Variants in RSPRY1 observed in about 807,000 individuals in gnomAD.
RSPRY1 encodes the protein ring finger and SPRY domain containing 1.
In RSPRY1, 23 loss-of-function variants were observed where a neutral mutation model predicts 73.1. That is an observed-to-expected ratio of 0.31 (90% CI 0.23 to 0.45). The LOEUF (loss-of-function observed/expected upper bound fraction) is 0.45, where lower values mean the gene tolerates loss of function less well. Ranked by LOEUF, RSPRY1 falls within the 20% of genes least tolerant of loss-of-function variation. The pLI, the probability that RSPRY1 is intolerant of heterozygous loss-of-function variation, is 1.00. For missense variants in RSPRY1, 448 were observed against 698.7 expected (o/e 0.64, Z 4.05); for synonymous variants, 226 against 251.4 (o/e 0.90, Z 0.95).
At chr16:57,198,394 A>AAT (rs1244869648) in intron 1 of RSPRY1, among the ~76,000 whole-genome samples, 1 of 152,018 alleles carries the variant, frequency 6.6e-6, no homozygotes, top group African/African-American at 2.4e-5. Flanking sequence ...AAAAAAAAAA[A>AAT]ATTGTACTAA....
Position 57,204,624 on chromosome 16 carries a change from T to C in RSPRY1, c.-35T>C. On this transcript the variant is annotated 5_prime_UTR_variant, in exon 2 of 15. It removes an upstream start codon present in the reference 5' UTR. Coordinates refer to ENST00000394420, the MANE Select transcript of RSPRY1 (RefSeq NM_133368.3). The stretch of plus-strand genomic sequence containing the variant: ...ATGCAAATTCCTCAACTCCAGGTTA[T>C]GAAAACAGTACTTGGAAAACTGAAA... 3 of 1,591,732 alleles carry C rather than the reference T, an allele frequency of 1.9e-6. No individual in the cohort carries two copies. The highest frequency in any genetic ancestry group is 1.1e-5 in the South Asian group (1 of 90,404).
chr16:57,209,164 G>C lies in RSPRY1; in HGVS notation c.493G>C (p.Asp165His). 1 of 1,609,680 alleles carries C rather than the reference G, an allele frequency of 6.2e-7. No individual in the cohort carries two copies. Residue 165 changes from aspartate (D) to histidine (H), a missense_variant, in exon 4 of 15, where the codon GAT becomes CAT. Transcript: ENST00000394420. ...LGPAVITLLL[D>H]ECPLPTKDAL... ...ACCAGCTGTTATAACATTGTTACTAGATGAATGTCCATTGCCCACTAAAGT... is the reference window on the plus strand; with the variant it reads ...ACCAGCTGTTATAACATTGTTACTACATGAATGTCCATTGCCCACTAAAGT...
At chr16:57,206,313 G>A (rs562528295) in intron 2 of RSPRY1, among the ~76,000 whole-genome samples, 19 of 152,220 alleles carry the variant, frequency 1.2e-4, no homozygotes, top group East Asian at 9.7e-4. Flanking sequence ...TTCTAAGACC[G>A]GAGTACTGCT....
intron 1 of RSPRY1, among the ~76,000 whole-genome samples, chr16:57,197,483 T>G (rs1434112852): frequency 6.6e-6 from 1 of 152,174 alleles, no homozygotes; most frequent in African/African-American, 2.4e-5. Context: ...ACACTTGGTT[T>G]TCACAGATGG....
chr16:57,232,478 C>T (rs755890430), intron 13 of RSPRY1, among the ~76,000 whole-genome samples: 49 of 152,172 alleles, frequency 3.2e-4, no homozygotes, highest in Non-Finnish European at 4.3e-4. Flanking sequence ...GACAGAGATT[C>T]TGAACTTTAA....
rs1394112011 is a variant in RSPRY1, at chr16:57,201,618, T to A, written c.-155-2886T>A. Among the ~76,000 whole-genome samples the A allele has an allele frequency of 2.7e-5, 4 of 150,694 alleles. No individual in the cohort carries two copies. In the East Asian group the frequency reaches 7.8e-4, roughly 29 times the overall value. On this transcript the variant is annotated intron_variant, in intron 1 of 14. Transcript: ENST00000394420. ...GGGCCAAGGCAGGCAGCTGGGGAGG[T>A]GGAGGTTGTATCGAGCCGAGATCAC...
At chr16:57,200,897 A>G (rs1262159026) in intron 1 of RSPRY1, among the ~76,000 whole-genome samples, 1 of 82,260 alleles carries the variant, frequency 1.2e-5, no homozygotes, top group Non-Finnish European at 2.3e-5. Context: ...ACTTCCCAGT[A>G]GGGGCGGCCA....
intron 13 of RSPRY1, among the ~76,000 whole-genome samples, chr16:57,233,754 T>G (rs1022738430): frequency 5.3e-5 from 8 of 152,178 alleles, no homozygotes; most frequent in African/African-American, 1.9e-4. Flanking sequence ...TTCTGCTATT[T>G]CCACATTCAA....
chr16:57,221,763 T>C (rs536801762), intron 10 of RSPRY1, among the ~76,000 whole-genome samples: 47 of 152,372 alleles, frequency 3.1e-4, no homozygotes, highest in Middle Eastern at 3.4e-3. Context: ...TACCTTGAAT[T>C]GAAGCTCTTA....
At chr16:57,186,943 TC>T (rs1456907023) in intron 1 of RSPRY1, 4 of 151,596 alleles carry the variant, frequency 2.6e-5, no homozygotes, top group African/African-American at 9.7e-5. Context: ...GAGGCATACC[TC>T]CCCGGGGAGA....
intron 1 of RSPRY1, among the ~76,000 whole-genome samples, chr16:57,196,034 A>ATT (rs36083992): frequency 8.1e-6 from 1 of 122,822 alleles, no homozygotes; most frequent in African/African-American, 3.0e-5. Context: ...AAAAAAAAAA[A>ATT]ATATATATAT....
chr16:57,201,727 C>G (rs1442645652), intron 1 of RSPRY1, among the ~76,000 whole-genome samples: 1 of 152,234 alleles, frequency 6.6e-6, no homozygotes, highest in African/African-American at 2.4e-5. Context: ...GAGGCCAAGG[C>G]TGGCGGATCA....
At chr16:57,223,330 C>T (rs2075068894) in intron 10 of RSPRY1, among the ~76,000 whole-genome samples, 1 of 152,198 alleles carries the variant, frequency 6.6e-6, no homozygotes, top group Admixed American at 6.5e-5. Context: ...TTTTAAAAGG[C>T]TGGCCACTGG....
chr16:57,210,073 T>TC (rs200183473), intron 4 of RSPRY1, among the ~76,000 whole-genome samples: 4,298 of 132,230 alleles, frequency 0.033, 289 homozygotes, highest in East Asian at 0.26. Flanking sequence ...CTTCCTTCCT[T>TC]CTTTCCTTCC....
At position 57,201,629 on chromosome 16, in the gene RSPRY1, TCGAG is replaced by T. The variant is rs531417496; in HGVS notation, c.-155-2873_-155-2870del. 4.2e-3 allele frequency among the ~76,000 whole-genome samples: 639 copies of T among 152,238 alleles called. 3 individuals are homozygous for T. Among genetic ancestry groups the T allele is most frequent in the African/African-American group, 0.015 (605 of 41,510 alleles). Reference sequence around the variant, plus strand: ...GGCAGCTGGGGAGGTGGAGGTTGTATCGAGCCGAGATCACGCCACTGCACTCCAG... The same window carrying T: ...GGCAGCTGGGGAGGTGGAGGTTGTATCCGAGATCACGCCACTGCACTCCAG... On this transcript the variant is annotated intron_variant, in intron 1 of 14. Transcript: ENST00000394420.
intron 8 of RSPRY1, chr16:57,220,044 T>G (rs2075009491): frequency 6.6e-6 from 1 of 152,240 alleles, no homozygotes; most frequent in Admixed American, 6.5e-5. Flanking sequence ...CCATGCAGTT[T>G]TGGTTCCTAT....
At chr16:57,212,157 T>A (rs1391920488) in intron 4 of RSPRY1, among the ~76,000 whole-genome samples, 1 of 151,804 alleles carries the variant, frequency 6.6e-6, no homozygotes, top group Non-Finnish European at 1.5e-5. Flanking sequence ...TACAGAAAAT[T>A]AAAATTATCT....
At chr16:57,203,537 C>T (rs1390882668) in intron 1 of RSPRY1, among the ~76,000 whole-genome samples, 1 of 152,104 alleles carries the variant, frequency 6.6e-6, no homozygotes, top group East Asian at 1.9e-4. Flanking sequence ...GCTACCAGCC[C>T]ATGTAAGTCT....
chr16:57,212,926 C>G, intron 4 of RSPRY1, 46 bp from the exon 5 acceptor site: 2 of 1,580,046 alleles, frequency 1.3e-6, no homozygotes. Context: ...GGGAAAACAA[C>G]CTGTGTAGTA....
Sources: allele counts gnomAD v4.1 joint callset (sites outside exome capture counted in the v4.1 genomes callset), GRCh38; gene constraint gnomAD v4.1.1; transcripts MANE v1.5; gene names NCBI Gene and HGNC (gene_info 2026-07-23, HGNC 2026-07-21).